SLC4A11: variants seen among roughly 807,000 people sequenced by gnomAD.
SLC4A11 encodes bicarbonate transporter related protein 1.
A neutral mutation model predicts 95.0 loss-of-function variants in SLC4A11; 74 were observed. The observed-to-expected ratio is 0.78, with a 90% CI of 0.65 to 0.95. The LOEUF (loss-of-function observed/expected upper bound fraction) is 0.95. Ranked by LOEUF, SLC4A11 falls within the 40% of genes least tolerant of loss-of-function variation. The pLI is 0.00. For missense variants in SLC4A11, 1,081 were observed against 1,192.4 expected (o/e 0.91, Z 1.38); for synonymous variants, 548 against 519.0 (o/e 1.06, Z -0.76).
Position 3,234,399 on chromosome 20 carries a change from G to A in SLC4A11, c.292-85C>T. 2 of 1,280,596 alleles carry A rather than the reference G, an allele frequency of 1.6e-6. No individual in the cohort carries two copies. Among genetic ancestry groups the A allele is most frequent in the South Asian group, 2.5e-5 (2 of 81,272 alleles). The allele number at this position is 1,280,596 out of a possible 1,614,324, so 79.3% of individuals were successfully genotyped here. On this transcript the variant is annotated intron_variant, in intron 4 of 19. Transcript: ENST00000642402. The surrounding 1 kb of genome is among the most constrained non-coding windows in gnomAD (Gnocchi z 5.8). ...GGTCCCTCCCTCCCAGCCAGCCGCA[G>A]CAGTCCAGCCCCCAGCCCCCAGCCC...
At chr20:3,233,073 T>C (rs1420922673) in intron 7 of SLC4A11, among the ~76,000 whole-genome samples, 1 of 152,218 alleles carries the variant, frequency 6.6e-6, no homozygotes, top group African/African-American at 2.4e-5. Flanking sequence ...GGCAATCATC[T>C]GTTGAGACTT....
chr20:3,236,510 AC>A (rs2067986005), intron 2 of SLC4A11, among the ~76,000 whole-genome samples: 1 of 151,994 alleles, frequency 6.6e-6, no homozygotes, highest in African/African-American at 2.4e-5. Flanking sequence ...GCTGGTGTGA[AC>A]CCAGGAGGCA....
rs200743905 is a variant in SLC4A11, at chr20:3,230,634, G to A, written c.1296C>T (p.Ile432=). The part of the protein sequence containing the change: ...LALYIQVIRV[I]CDDYDLDFNS... ...TGAAGTCCAGGTCATAGTCATCACA[G>A]ATGACACGAATCACTGCAGGCAGGG... The change falls in exon 12 of 20, where the codon ATC becomes ATT. Residue 432 remains isoleucine (I), a synonymous_variant. Transcript: ENST00000642402. 3.0e-5 allele frequency: 49 copies of A among 1,613,574 alleles called. No individual in the cohort carries two copies. The highest frequency in any genetic ancestry group is 4.1e-5 in the Non-Finnish European group (48 of 1,180,008).
In SLC4A11 at chr20:3,233,997, G is replaced by C. The variant is rs771838131; in HGVS notation, c.529C>G (p.Leu177Val). The change falls in exon 6 of 20, where the codon CTG (leucine) becomes GTG (valine). Residue 177 changes from leucine (L) to valine (V), a missense_variant. Transcript: ENST00000642402. ...AGAPMRGKVH[L>V]LSDTIQGVTA... ...ACCCCTTGGATGGTATCTGACAGCA[G>C]GTGGACTGAGGAAAGAGTGAGGGGG... 2.5e-6 allele frequency: 4 copies of C among 1,613,958 alleles called. No individual in the cohort carries two copies. The highest frequency in any genetic ancestry group is 1.3e-5 in the African/African-American group (1 of 75,038).
chr20:3,229,150 G>C lies in SLC4A11; in HGVS notation c.1963C>G (p.Leu655Val), dbSNP rs766169735. The change falls in exon 16 of 20, where the codon CTC becomes GTC. Residue 655 changes from leucine (L) to valine (V), a missense_variant. By Grantham distance (32) the Leu-to-Val change is conservative. This residue lies in a region of SLC4A11 where 767 missense variants were observed against 858.0 expected (regional missense o/e 0.89). Coordinates refer to ENST00000642402, the MANE Select transcript of SLC4A11 (RefSeq NM_001174089.2). ...ACCAAGTTCTGCTCGATGAAGAAGA[G>C]CATGGACAGCAGGAAGCCGAGGCCC... Reference protein sequence around the residue: ...AMGLGFLLSMLFFIEQNLVAA... With the variant: ...AMGLGFLLSMVFFIEQNLVAA... The C allele has an allele frequency of 6.2e-7, 1 of 1,606,128 alleles. No individual in the cohort carries two copies.
In SLC4A11 at chr20:3,231,494, C is replaced by T. The variant is rs980360267; in HGVS notation, c.784G>A (p.Asp262Asn). 1.4e-5 allele frequency: 22 copies of T among 1,614,086 alleles called. No homozygotes were observed. The highest frequency in any genetic ancestry group is 1.9e-5 in the Non-Finnish European group (22 of 1,180,026). The change falls in exon 8 of 20, where the codon GAT (aspartate) becomes AAT (asparagine). Residue 262 changes from aspartate (D) to asparagine (N), a missense_variant. Asp to Asn is a conservative substitution (Grantham distance 23, BLOSUM62 1). Around this residue, in one of 3 missense-constraint regions of SLC4A11, gnomAD observed 767 missense variants for 858.0 expected, o/e 0.89. Coordinates refer to ENST00000642402, the MANE Select transcript of SLC4A11 (RefSeq NM_001174089.2). The surrounding 1 kb of genome is among the most constrained non-coding windows in gnomAD (Gnocchi z 5.2). ...VARTFATMFS[D>N]IAFRQKLLET... The stretch of plus-strand genomic sequence containing the variant: ...AGGAGCTTCTGGCGGAAGGCGATAT[C>T]CGAGAACATGGTGGCAAACGTGCGC...
chr20:3,238,282 T>C (rs1294848988), intron 1 of SLC4A11: 2 of 1,268,036 alleles, frequency 1.6e-6, no homozygotes, highest in African/African-American at 1.5e-5. Flanking sequence ...GTCCCGGCTG[T>C]TTGTGCCTCG....
rs141527805 is a variant in SLC4A11, at chr20:3,228,482, C to T, written c.2388+30G>A. The T allele has an allele frequency of 6.7e-4, 1,080 of 1,612,904 alleles. 4 individuals are homozygous for T. Among genetic ancestry groups the T allele is most frequent in the Non-Finnish European group, 8.3e-4 (976 of 1,179,902 alleles). ...AGGCATGGGGCTGTGTCCCCACCCA[C>T]GCCACTCCCTCGCAGGGCCAAGCGC... On this transcript the variant is annotated intron_variant, in intron 18 of 19. Transcript: ENST00000642402.
chr20:3,231,188 C>T lies in SLC4A11; in HGVS notation c.1003G>A (p.Ala335Thr), dbSNP rs141426484. ...PFGKGIREDIARRFPLYPLDF... is the reference protein window; with the variant it reads ...PFGKGIREDITRRFPLYPLDF... Reference sequence around the variant, plus strand: ...AAGGGGTACAAGGGGAACCTGCGTGCGATGTCCTCCCGGATGCCCTTCCCA... The same window carrying T: ...AAGGGGTACAAGGGGAACCTGCGTGTGATGTCCTCCCGGATGCCCTTCCCA... Residue 335 changes from alanine to threonine, a missense_variant, in exon 9 of 20, where the codon GCA becomes ACA. Ala to Thr is a moderately conservative substitution (Grantham distance 58). Transcript: ENST00000642402. This position sits in a 1 kb window ranked among gnomAD's most constrained non-coding sequence, Gnocchi z 5.2. The T allele has an allele frequency of 6.4e-5, 104 of 1,614,038 alleles. No homozygotes were observed. Among genetic ancestry groups the T allele is most frequent in the East Asian group, 4.9e-4 (22 of 44,876 alleles).
chr20:3,232,991 C>T (rs1222080867), intron 7 of SLC4A11, among the ~76,000 whole-genome samples: 1 of 152,188 alleles, frequency 6.6e-6, no homozygotes, highest in Non-Finnish European at 1.5e-5. Flanking sequence ...ACACAGAAGG[C>T]CAGGGGCAGG....
At position 3,231,035 on chromosome 20, in the gene SLC4A11, C is replaced by T; in HGVS notation, c.1066G>A (p.Val356Met). ...AGGGTGGTGGTGATGTATTTGCCCA[C>T]AGCCTTGTTTTTCCCAATAATGCCT... is the stretch of plus-strand genomic sequence containing the variant. The part of the protein sequence containing the change: ...TDGIIGKNKA[V>M]GKYITTTLFL... The change falls in exon 10 of 20, where the codon GTG (valine) becomes ATG (methionine). Residue 356 changes from valine (V) to methionine (M), a missense_variant. Around this residue, in one of 3 missense-constraint regions of SLC4A11, gnomAD observed 767 missense variants for 858.0 expected, o/e 0.89. Transcript: ENST00000642402. The surrounding 1 kb of genome is among the most constrained non-coding windows in gnomAD (Gnocchi z 5.2). 1.2e-6 allele frequency: 2 copies of T among 1,614,062 alleles called. No individual in the cohort carries two copies. The highest frequency in any genetic ancestry group is 2.7e-5 in the African/African-American group (2 of 75,000).
chr20:3,231,491 T>C lies in SLC4A11; in HGVS notation c.787A>G (p.Ile263Val), dbSNP rs755975298. ...ARTFATMFSD[I>V]AFRQKLLETR... ...TCCAGGAGCTTCTGGCGGAAGGCGA[T>C]ATCCGAGAACATGGTGGCAAACGTG... Residue 263 changes from isoleucine (I) to valine (V), a missense_variant, in exon 8 of 20, where the codon ATC (isoleucine) becomes GTC (valine). This residue lies in a region of SLC4A11 where 767 missense variants were observed against 858.0 expected (regional missense o/e 0.89). Coordinates refer to ENST00000642402, the MANE Select transcript of SLC4A11 (RefSeq NM_001174089.2). This position sits in a 1 kb window ranked among gnomAD's most constrained non-coding sequence, Gnocchi z 5.2. 3 of 1,613,890 alleles carry C rather than the reference T, an allele frequency of 1.9e-6. No homozygotes were observed.
In SLC4A11 at chr20:3,228,833, C is replaced by T. The variant is rs1170152456; in HGVS notation, c.2192+5G>A. 2.5e-6 allele frequency: 4 copies of T among 1,613,656 alleles called. No individual in the cohort carries two copies. The highest frequency in any genetic ancestry group is 3.4e-6 in the Non-Finnish European group (4 of 1,180,030). ...GTCCACGGCTCTTGCCAGCCTCACA[C>T]TCACGTGTCATAGATGTGTCCGTTC... is the stretch of plus-strand genomic sequence containing the variant. On this transcript the variant is annotated splice_donor_5th_base_variant and intron_variant, in intron 17 of 19. Transcript: ENST00000642402.
Position 3,233,406 on chromosome 20 carries a change from G to A in SLC4A11, c.729+108C>T, listed in dbSNP as rs779502492. ...CCACAGGGCCGAGGCGAAGGGGAGGGTGAGGACCAGGCCTTCAGAGGCCAG... is the reference window on the plus strand; with the variant it reads ...CCACAGGGCCGAGGCGAAGGGGAGGATGAGGACCAGGCCTTCAGAGGCCAG... On this transcript the variant is annotated intron_variant, in intron 7 of 19. Coordinates refer to ENST00000642402, the MANE Select transcript of SLC4A11 (RefSeq NM_001174089.2). 223 of 1,534,646 alleles carry A rather than the reference G, an allele frequency of 1.5e-4. 1 individual carries two copies. Among genetic ancestry groups the A allele is most frequent in the Non-Finnish European group, 1.9e-4 (210 of 1,122,540 alleles).
In SLC4A11 at chr20:3,233,647, G is replaced by A. The variant is rs770586136; in HGVS notation, c.606-10C>T. 1.2e-6 allele frequency: 2 copies of A among 1,611,410 alleles called. No homozygotes were observed. The highest frequency in any genetic ancestry group is 3.3e-5 in the Admixed American group (2 of 60,020). Reference sequence around the variant, plus strand: ...GGCCTTCATGGTACAGCTGGCAGGGGCGGGGAGGACACAGTGCACAGTTGC... The same window carrying A: ...GGCCTTCATGGTACAGCTGGCAGGGACGGGGAGGACACAGTGCACAGTTGC... On this transcript the variant is annotated splice_polypyrimidine_tract_variant and intron_variant, in intron 6 of 19. Coordinates refer to ENST00000642402, the MANE Select transcript of SLC4A11 (RefSeq NM_001174089.2).
At chr20:3,229,314 CCCA>C (rs777306464) in intron 15 of SLC4A11, 29 bp downstream of exon 15, 2 of 1,613,034 alleles carry the variant, frequency 1.2e-6, no homozygotes, top group Non-Finnish European at 1.7e-6. Context: ...GGGGAGCTAC[CCCA>C]CGTCACCCAC....
chr20:3,233,828 T>C lies in SLC4A11; in HGVS notation c.605+93A>G, dbSNP rs1355932671. ...GGTTGGGCCGCCAGAGCCCCAGGAC[T>C]CACAGGTGGGCTGGCCTCTGCAGGG... On this transcript the variant is annotated intron_variant, in intron 6 of 19. Transcript: ENST00000642402. The C allele has an allele frequency of 2.0e-6, 3 of 1,532,242 alleles. No homozygotes were observed. In the African/African-American group the frequency reaches 4.1e-5, roughly 21 times the overall value. 94.9% of individuals were successfully genotyped at this position (1,532,242 alleles called of 1,614,324 possible). A position where few individuals can be genotyped will look rare whatever the true frequency, so the allele number is the denominator to read the frequency against.
Position 3,234,650 on chromosome 20 carries a change from C to A in SLC4A11, c.242-33G>T. ...AGAAAAGCGGGGAGGGCTCAGGGTG[C>A]CACCCTCTCCTCAGGTCTTTCTTAG... On this transcript the variant is annotated intron_variant, in intron 3 of 19. Coordinates refer to ENST00000642402, the MANE Select transcript of SLC4A11 (RefSeq NM_001174089.2). This position sits in a 1 kb window ranked among gnomAD's most constrained non-coding sequence, Gnocchi z 5.8. 6.2e-7 allele frequency: 1 copy of A among 1,613,884 alleles called. No homozygotes were observed. Among genetic ancestry groups the A allele is most frequent in the Non-Finnish European group, 8.5e-7 (1 of 1,180,012 alleles).
In SLC4A11 at chr20:3,229,433, C is replaced by T. The variant is rs771123757; in HGVS notation, c.1762G>A (p.Val588Met). Residue 588 changes from valine (V) to methionine (M), a missense_variant, in exon 15 of 20, where the codon GTG becomes ATG. By Grantham distance (21) the Val-to-Met change is conservative. Transcript: ENST00000642402. ...FKKSPYLHPCVREILSDCALP... is the reference protein window; with the variant it reads ...FKKSPYLHPCMREILSDCALP... ...GCGCAGTCGGACAGGATCTCTCGCA[C>T]GCAGGGGTGCAGGTAGGGGCTGGGG... is the stretch of plus-strand genomic sequence containing the variant. 29 of 1,613,176 alleles carry T rather than the reference C, an allele frequency of 1.8e-5. No homozygotes were observed. The highest frequency in any genetic ancestry group is 9.3e-5 in the African/African-American group (7 of 74,936).
Sources: allele counts gnomAD v4.1 joint callset (sites outside exome capture counted in the v4.1 genomes callset), GRCh38; gene constraint gnomAD v4.1.1; regional missense constraint gnomAD v4.1.1; non-coding constraint Gnocchi (gnomAD v3.1); transcripts MANE v1.5; gene names NCBI Gene and HGNC (gene_info 2026-07-23, HGNC 2026-07-21).